EXOC4: variants seen among roughly 807,000 people sequenced by gnomAD.
The protein encoded by EXOC4 is exocyst complex component 4.
EXOC4 carries 71 observed loss-of-function variants against 107.2 expected under a neutral mutation model. That is an observed-to-expected ratio of 0.66 (90% CI 0.55 to 0.81). The LOEUF is 0.81. Among genes scored for constraint, EXOC4 ranks in the 30% least tolerant of loss-of-function variants. The pLI is 0.00. For missense variants in EXOC4, 1,108 were observed against 1,189.6 expected (o/e 0.93, Z 1.01); for synonymous variants, 456 against 441.2 (o/e 1.03, Z -0.42).
At position 133,929,274 on chromosome 7, in the gene EXOC4, G is replaced by A. The variant is rs115963789; in HGVS notation, c.2028-8617G>A. 2.4e-3 allele frequency among the ~76,000 whole-genome samples: 364 copies of A among 152,192 alleles called. 5 individuals carry two copies. Among genetic ancestry groups the A allele is most frequent in the African/African-American group, 8.2e-3 (340 of 41,518 alleles). Reference sequence around the variant, plus strand: ...ACAGTTATATATGGTTGTTTCTGGGGCACAAGACTGAGACTGGGGAGTGGT... The same window carrying A: ...ACAGTTATATATGGTTGTTTCTGGGACACAAGACTGAGACTGGGGAGTGGT... On this transcript the variant is annotated intron_variant, in intron 13 of 17. Transcript: ENST00000253861.
chr7:133,784,861 A>G (rs991728442), intron 10 of EXOC4, among the ~76,000 whole-genome samples: 1 of 152,242 alleles, frequency 6.6e-6, no homozygotes, highest in African/African-American at 2.4e-5. Flanking sequence ...AAAAGAAGCC[A>G]TTAAAAAATT....
intron 13 of EXOC4, among the ~76,000 whole-genome samples, chr7:133,930,191 C>G (rs1003040091): frequency 6.6e-6 from 1 of 152,116 alleles, no homozygotes; most frequent in African/African-American, 2.4e-5. Context: ...TGGAAAGTTA[C>G]TGTTATAATT....
intron 5 of EXOC4, among the ~76,000 whole-genome samples, chr7:133,339,385 G>A (rs1320284797): frequency 6.6e-6 from 1 of 152,158 alleles, no homozygotes; most frequent in African/African-American, 2.4e-5. Flanking sequence ...TTTTATATCA[G>A]TACCATGCTG....
intron 11 of EXOC4, among the ~76,000 whole-genome samples, chr7:133,853,512 T>G (rs1798285396): frequency 6.6e-6 from 1 of 152,158 alleles, no homozygotes; most frequent in Admixed American, 6.5e-5. Flanking sequence ...ACTACAGGCA[T>G]GCACCACTGC....
At chr7:133,611,815 C>A (rs1802081703) in intron 9 of EXOC4, among the ~76,000 whole-genome samples, 2 of 152,214 alleles carry the variant, frequency 1.3e-5, no homozygotes, top group Non-Finnish European at 1.5e-5. Context: ...TTGTTAAATA[C>A]TACAGAGATA....
chr7:133,710,683 G>A (rs532719764), intron 10 of EXOC4, among the ~76,000 whole-genome samples: 9 of 151,784 alleles, frequency 5.9e-5, no homozygotes, highest in African/African-American at 1.9e-4. Context: ...AAAAAAGTTG[G>A]TAGTTGCAGA....
intron 9 of EXOC4, among the ~76,000 whole-genome samples, chr7:133,604,710 CTTTTTTTTTTTTTTTTTT>C (rs61548710): frequency 2.0e-5 from 1 of 50,220 alleles, no homozygotes; most frequent in Non-Finnish European, 3.5e-5. Flanking sequence ...TTCCTTCTTT[CTTTTTTTTTTTTTTTTTT>C]TTTTTTTTTT....
chr7:133,749,473 A>G (rs1795744965), intron 10 of EXOC4, among the ~76,000 whole-genome samples: 1 of 151,994 alleles, frequency 6.6e-6, no homozygotes, highest in Admixed American at 6.6e-5. Context: ...GCTCATTGCA[A>G]CCTCTACCTC....
chr7:133,283,443 G>C lies in EXOC4; in HGVS notation c.277-5479G>C, dbSNP rs78272399. On this transcript the variant is annotated intron_variant, in intron 2 of 17. Transcript: ENST00000253861. ...TATACCACATTTTCTTTATCCATTC[G>C]TCTGTTGATGGACACTTACGCTGCA... 1.6e-3 allele frequency among the ~76,000 whole-genome samples: 237 copies of C among 152,214 alleles called. No individual in the cohort carries two copies. In the East Asian group the frequency reaches 0.029, roughly 18 times the overall value.
chr7:133,790,944 T>TG (rs1796690157), intron 10 of EXOC4, among the ~76,000 whole-genome samples: 1 of 152,234 alleles, frequency 6.6e-6, no homozygotes, highest in Non-Finnish European at 1.5e-5. Flanking sequence ...GAGATGTACA[T>TG]TACATCGATT....
intron 14 of EXOC4, among the ~76,000 whole-genome samples, chr7:133,961,015 A>G (rs1276862464): frequency 2.6e-5 from 4 of 152,196 alleles, no homozygotes; most frequent in Non-Finnish European, 5.9e-5. Flanking sequence ...GCAAATGACA[A>G]TTAAGGTTCT....
intron 7 of EXOC4, among the ~76,000 whole-genome samples, chr7:133,469,635 A>G (rs1253117175): frequency 5.9e-5 from 9 of 152,194 alleles, no homozygotes; most frequent in Non-Finnish European, 7.3e-5. Context: ...CATTTAAGCT[A>G]TTATAAGGAA....
chr7:133,537,026 G>A (rs1800283044), intron 9 of EXOC4, among the ~76,000 whole-genome samples: 1 of 152,176 alleles, frequency 6.6e-6, no homozygotes, highest in Non-Finnish European at 1.5e-5. Flanking sequence ...ATGCCTAAAA[G>A]GAGAGAATGG....
At chr7:133,686,755 G>T (rs1016502309) in intron 10 of EXOC4, among the ~76,000 whole-genome samples, 5 of 152,050 alleles carry the variant, frequency 3.3e-5, no homozygotes, top group Non-Finnish European at 7.4e-5. Context: ...TTACACTGCT[G>T]GTGGGAATGT....
At chr7:133,967,098 C>T (rs1301304776) in intron 14 of EXOC4, among the ~76,000 whole-genome samples, 1 of 152,100 alleles carries the variant, frequency 6.6e-6, no homozygotes, top group Non-Finnish European at 1.5e-5. Flanking sequence ...TCTGGATTTT[C>T]TAGTTTATTC....
chr7:134,039,215 C>T (rs187157731), intron 17 of EXOC4, among the ~76,000 whole-genome samples: 12 of 152,202 alleles, frequency 7.9e-5, no homozygotes, highest in East Asian at 5.8e-4. Flanking sequence ...TATACACCTA[C>T]GTAAGGAGTA....
intron 11 of EXOC4, among the ~76,000 whole-genome samples, chr7:133,846,269 A>G (rs1257199366): frequency 6.6e-6 from 1 of 152,210 alleles, no homozygotes. Flanking sequence ...CTTTAGTTCA[A>G]TCTTTCTACT....
intron 11 of EXOC4, among the ~76,000 whole-genome samples, chr7:133,847,731 G>A (rs981940977): frequency 8.0e-5 from 12 of 150,568 alleles, no homozygotes; most frequent in African/African-American, 2.0e-4. Context: ...GGTGGGGGAC[G>A]GAGTCTCGCT....
chr7:133,730,041 G>A (rs1368326136), intron 10 of EXOC4, among the ~76,000 whole-genome samples: 1 of 150,562 alleles, frequency 6.6e-6, no homozygotes, highest in Non-Finnish European at 1.5e-5. Flanking sequence ...CTTGGATTTA[G>A]GTGAAGGAAA....
Sources: allele counts gnomAD v4.1 joint callset (sites outside exome capture counted in the v4.1 genomes callset), GRCh38; gene constraint gnomAD v4.1.1; transcripts MANE v1.5; gene names NCBI Gene and HGNC (gene_info 2026-07-23, HGNC 2026-07-21).